The following TAS2R1 variants were observed in gnomAD, a reference collection of about 807,000 sequenced individuals.
TAS2R1 encodes the protein taste 2 receptor member 1.
For missense variants in TAS2R1, 370 were observed against 353.4 expected, an observed-to-expected ratio of 1.05 and a Z score of -0.38; for synonymous variants, 141 against 134.2, an observed-to-expected ratio of 1.05 and a Z score of -0.35.
intron 1 of TAS2R1, among the ~76,000 whole-genome samples, chr5:9,671,841 C>T (rs2126503349): frequency 6.6e-6 from 1 of 150,608 alleles, no homozygotes; most frequent in Admixed American, 6.6e-5. Flanking sequence ...CAAGGCAATC[C>T]TAAGCAAAAA....
At chr5:9,638,537 T>C (rs905952684) in intron 2 of TAS2R1, among the ~76,000 whole-genome samples, 7 of 152,206 alleles carry the variant, frequency 4.6e-5, no homozygotes, top group African/African-American at 9.6e-5. Flanking sequence ...GTTGCTTTAA[T>C]GACCTGAGTT....
chr5:9,838,511 G>A, the TAS2R1 span, among the ~76,000 whole-genome samples: 1 of 152,158 alleles, frequency 6.6e-6, no homozygotes, highest in Non-Finnish European at 1.5e-5. Context: ...AAAGCAGGTT[G>A]CCTGTTATGC....
intron 1 of TAS2R1, among the ~76,000 whole-genome samples, chr5:9,701,221 G>GACACACACACACACAC (rs34248017): frequency 7.4e-6 from 1 of 135,868 alleles, no homozygotes; most frequent in African/African-American, 2.8e-5. Context: ...CAGACACGCA[G>GACACACACACACACAC]ACACACACAC....
chr5:9,653,103 T>A (rs984130196), intron 2 of TAS2R1, among the ~76,000 whole-genome samples: 1 of 152,186 alleles, frequency 6.6e-6, no homozygotes, highest in Non-Finnish European at 1.5e-5. Context: ...ATGATTTGAC[T>A]ACTCTATATA....
upstream of TAS2R1, among the ~76,000 whole-genome samples, chr5:9,633,730 G>A (rs1739919412): frequency 3.3e-5 from 5 of 151,552 alleles, no homozygotes. Context: ...ATATGTTGTT[G>A]GCTATTTGTA....
At chr5:9,853,089 G>A in the TAS2R1 span, among the ~76,000 whole-genome samples, 1 of 152,204 alleles carries the variant, frequency 6.6e-6, no homozygotes, top group African/African-American at 2.4e-5. Flanking sequence ...CCCAGTCCAT[G>A]TAACCTTTGA....
At chr5:9,804,301 C>CT in the TAS2R1 span, among the ~76,000 whole-genome samples, 1 of 152,072 alleles carries the variant, frequency 6.6e-6, no homozygotes, top group Non-Finnish European at 1.5e-5. Context: ...CAGTGGGGGA[C>CT]TTTAATACTC....
chr5:9,775,056 T>C, the TAS2R1 span, among the ~76,000 whole-genome samples: 3 of 152,222 alleles, frequency 2.0e-5, no homozygotes, highest in African/African-American at 7.2e-5. Context: ...TCCAGAGATG[T>C]CATTCAGGAG....
chr5:9,784,767 C>T, the TAS2R1 span, among the ~76,000 whole-genome samples: 3 of 152,136 alleles, frequency 2.0e-5, no homozygotes, highest in Admixed American at 6.5e-5. Context: ...GTTTCCCTGG[C>T]TGGTGGCAGC....
chr5:9,686,974 A>AT (rs1274140354), intron 1 of TAS2R1, among the ~76,000 whole-genome samples: 11 of 151,796 alleles, frequency 7.2e-5, no homozygotes, highest in Admixed American at 5.3e-4. Context: ...TTATTTATTC[A>AT]TTTTTTTGAG....
chr5:9,871,472 T>C, the TAS2R1 span, among the ~76,000 whole-genome samples: 2 of 152,226 alleles, frequency 1.3e-5, no homozygotes, highest in African/African-American at 4.8e-5. Context: ...GTGTCCACTC[T>C]GTCTGATCCA....
the TAS2R1 span, among the ~76,000 whole-genome samples, chr5:9,756,305 T>G: frequency 6.6e-6 from 1 of 152,238 alleles, no homozygotes; most frequent in South Asian, 2.1e-4. Flanking sequence ...GACTTATGGT[T>G]GTGGTCAATT....
upstream of TAS2R1, among the ~76,000 whole-genome samples, chr5:9,634,558 T>C (rs1739931953): frequency 6.6e-6 from 1 of 152,172 alleles, no homozygotes; most frequent in Non-Finnish European, 1.5e-5. Context: ...TTTCATAATA[T>C]TGATTCTACC....
At chr5:9,880,495 A>G in the TAS2R1 span, among the ~76,000 whole-genome samples, 1 of 152,224 alleles carries the variant, frequency 6.6e-6, no homozygotes, top group Non-Finnish European at 1.5e-5. Context: ...ATGGTTTCTC[A>G]ATATCAACAC....
At chr5:9,755,755 A>G in the TAS2R1 span, among the ~76,000 whole-genome samples, 940 of 152,244 alleles carry the variant, frequency 6.2e-3, 9 homozygotes, top group Non-Finnish European at 0.011. Context: ...GGCATGGGCA[A>G]TTTCCCAGAA....
the TAS2R1 span, among the ~76,000 whole-genome samples, chr5:9,896,569 C>T: frequency 6.6e-6 from 1 of 152,160 alleles, no homozygotes. Context: ...CAGGGTTCAG[C>T]CACTTGAAGA....
At chr5:9,701,221 G>GACACACACAC (rs34248017) in intron 1 of TAS2R1, among the ~76,000 whole-genome samples, 24 of 135,952 alleles carry the variant, frequency 1.8e-4, no homozygotes, top group Middle Eastern at 3.6e-3. Flanking sequence ...CAGACACGCA[G>GACACACACAC]ACACACACAC....
At chr5:9,678,802 G>A (rs1740934692) in intron 1 of TAS2R1, among the ~76,000 whole-genome samples, 1 of 152,130 alleles carries the variant, frequency 6.6e-6, no homozygotes. Context: ...GGAGGGAGAG[G>A]ATCAGGAATA....
At chr5:9,774,701 C>A in the TAS2R1 span, among the ~76,000 whole-genome samples, 2 of 152,240 alleles carry the variant, frequency 1.3e-5, no homozygotes, top group African/African-American at 4.8e-5. Flanking sequence ...AGAGGTACTG[C>A]CTTTGTGGTC....
Sources: allele counts gnomAD v4.1 joint callset (sites outside exome capture counted in the v4.1 genomes callset), GRCh38; gene constraint gnomAD v4.1.1; transcripts MANE v1.5; gene names NCBI Gene and HGNC (gene_info 2026-07-23, HGNC 2026-07-21).